The following ARHGAP15 variants were observed in gnomAD, a reference collection of about 807,000 sequenced individuals.
ARHGAP15 encodes rho GTPase-activating protein 15.
Under a neutral mutation model 63.7 loss-of-function variants are expected in ARHGAP15, and 51 were observed. The observed-to-expected ratio is 0.80, with a 90% CI of 0.64 to 1.01. The LOEUF is 1.01. Ranked by LOEUF, ARHGAP15 falls within the 50% of genes least tolerant of loss-of-function variation. The probability of loss-of-function intolerance (pLI) is 0.00; values close to 1 mark genes in which losing one functional copy is unlikely to be tolerated. For missense variants in ARHGAP15, 560 were observed against 564.6 expected, an observed-to-expected ratio of 0.99 and a Z score of 0.08; for synonymous variants, 191 against 193.8, an observed-to-expected ratio of 0.99 and a Z score of 0.12.
chr2:143,505,089 C>T (rs1041888823), intron 9 of ARHGAP15, among the ~76,000 whole-genome samples: 1 of 152,200 alleles, frequency 6.6e-6, no homozygotes, highest in Non-Finnish European at 1.5e-5. Flanking sequence ...TACACCTAGT[C>T]CCTGGGACTT....
At chr2:143,713,131 T>C (rs1386078621) in intron 13 of ARHGAP15, among the ~76,000 whole-genome samples, 1 of 152,174 alleles carries the variant, frequency 6.6e-6, no homozygotes, top group Non-Finnish European at 1.5e-5. Context: ...ATGCTTCTGA[T>C]AAAGACATAC....
chr2:143,477,322 G>A (rs963060083), intron 8 of ARHGAP15, among the ~76,000 whole-genome samples: 1 of 152,106 alleles, frequency 6.6e-6, no homozygotes, highest in African/African-American at 2.4e-5. Context: ...TGGAGGCTGA[G>A]AAGGGTCCTT....
intron 6 of ARHGAP15, among the ~76,000 whole-genome samples, chr2:143,403,712 A>G (rs747047043): frequency 6.6e-6 from 1 of 151,878 alleles, no homozygotes; most frequent in Non-Finnish European, 1.5e-5. Context: ...GGAAGAGTGC[A>G]TGTGTATACG....
intron 6 of ARHGAP15, among the ~76,000 whole-genome samples, chr2:143,287,489 C>T (rs1682163011): frequency 6.6e-6 from 1 of 151,902 alleles, no homozygotes; most frequent in African/African-American, 2.4e-5. Flanking sequence ...AATGGGCTCT[C>T]GGGGGCCTCT....
At chr2:143,454,369 C>T (rs922478109) in intron 8 of ARHGAP15, among the ~76,000 whole-genome samples, 6 of 152,034 alleles carry the variant, frequency 3.9e-5, no homozygotes, top group African/African-American at 1.2e-4. Context: ...AAAAGAGAAT[C>T]TGATATTTTA....
intron 13 of ARHGAP15, among the ~76,000 whole-genome samples, chr2:143,746,863 T>C (rs532946768): frequency 6.6e-6 from 1 of 152,182 alleles, no homozygotes; most frequent in African/African-American, 2.4e-5. Context: ...TTGAGTAGCA[T>C]GATTGGCATA....
At position 143,330,127 on chromosome 2, in the gene ARHGAP15, AAAAACCAAAAAC is replaced by A. The variant is rs1558898006; in HGVS notation, c.474+79532_474+79543del. Among the ~76,000 whole-genome samples, 26 of 81,302 alleles carry A rather than the reference AAAAACCAAAAAC, an allele frequency of 3.2e-4. 2 individuals carry two copies. Among genetic ancestry groups the A allele is most frequent in the African/African-American group, 1.0e-3 (20 of 19,780 alleles). The allele number at this position is 81,302 out of a possible 152,430, so 53.3% of individuals were successfully genotyped here. The stretch of plus-strand genomic sequence containing the variant: ...AAAAAAAAAAAAAAAAAAAAAAAAA[AAAAACCAAAAAC>A]AAAAAACTAAACTAATGATTAATAA... On this transcript the variant is annotated intron_variant, in intron 6 of 13. Coordinates refer to ENST00000295095, the MANE Select transcript of ARHGAP15 (RefSeq NM_018460.4).
At chr2:143,507,821 CATCAGTAG>C (rs573114402) in intron 9 of ARHGAP15, among the ~76,000 whole-genome samples, 36 of 152,290 alleles carry the variant, frequency 2.4e-4, no homozygotes, top group African/African-American at 7.2e-4. Flanking sequence ...TCTCTTCCTT[CATCAGTAG>C]ATCCCACCTT....
At chr2:143,449,312 C>G (rs1690288312) in intron 8 of ARHGAP15, among the ~76,000 whole-genome samples, 1 of 152,064 alleles carries the variant, frequency 6.6e-6, no homozygotes, top group South Asian at 2.1e-4. Context: ...CCATTAATTC[C>G]CTGGATAGCT....
intron 13 of ARHGAP15, among the ~76,000 whole-genome samples, chr2:143,746,969 C>T (rs1686189386): frequency 6.6e-6 from 1 of 152,082 alleles, no homozygotes; most frequent in Admixed American, 6.6e-5. Context: ...CCTCTAAGCC[C>T]TGAATGGATG....
intron 13 of ARHGAP15, among the ~76,000 whole-genome samples, chr2:143,746,408 T>C (rs1043808438): frequency 6.6e-6 from 1 of 151,994 alleles, no homozygotes; most frequent in Non-Finnish European, 1.5e-5. Flanking sequence ...AGGAAGAACA[T>C]AGGGAGAAAT....
chr2:143,283,924 T>C lies in ARHGAP15; in HGVS notation c.474+33324T>C, dbSNP rs185405215. ...GGCTTCAGCTATGCCTTTACTTGAA[T>C]GATTTCCAAAATTCTATCGCCAATC... On this transcript the variant is annotated intron_variant, in intron 6 of 13. Coordinates refer to ENST00000295095, the MANE Select transcript of ARHGAP15 (RefSeq NM_018460.4). Among the ~76,000 whole-genome samples, 3 of 152,282 alleles carry C rather than the reference T, an allele frequency of 2.0e-5. No individual in the cohort carries two copies. The East Asian group carries it at 5.8e-4, about 29-fold the overall frequency.
At chr2:143,313,864 C>CT (rs1683563798) in intron 6 of ARHGAP15, among the ~76,000 whole-genome samples, 1 of 151,988 alleles carries the variant, frequency 6.6e-6, no homozygotes, top group Non-Finnish European at 1.5e-5. Context: ...AACATTCATG[C>CT]TGTTGTACTT....
chr2:143,529,213 C>T (rs1392742459), intron 10 of ARHGAP15, among the ~76,000 whole-genome samples: 2 of 152,062 alleles, frequency 1.3e-5, no homozygotes, highest in African/African-American at 4.8e-5. Context: ...TCTATATTCC[C>T]CATTGCCCTA....
intron 6 of ARHGAP15, among the ~76,000 whole-genome samples, chr2:143,390,159 T>C: frequency 6.6e-6 from 1 of 152,114 alleles, no homozygotes; most frequent in Non-Finnish European, 1.5e-5. Flanking sequence ...AGGCATATTA[T>C]ATTAAAATTT....
intron 11 of ARHGAP15, among the ~76,000 whole-genome samples, chr2:143,622,968 G>A (rs534492415): frequency 6.6e-6 from 1 of 152,212 alleles, no homozygotes; most frequent in East Asian, 1.9e-4. Flanking sequence ...AGGGACATGT[G>A]AATGCGAGCC....
At chr2:143,666,062 A>AC (rs1254806220) in intron 12 of ARHGAP15, among the ~76,000 whole-genome samples, 1 of 151,644 alleles carries the variant, frequency 6.6e-6, no homozygotes, top group Non-Finnish European at 1.5e-5. Context: ...GAATTGGAAA[A>AC]AACTACTTTA....
chr2:143,418,122 G>T (rs1688765379), intron 6 of ARHGAP15, among the ~76,000 whole-genome samples: 1 of 152,224 alleles, frequency 6.6e-6, no homozygotes, highest in South Asian at 2.1e-4. Context: ...TTAGCTTAGA[G>T]TCAATTGCAG....
intron 8 of ARHGAP15, among the ~76,000 whole-genome samples, chr2:143,461,604 G>T (rs966445140): frequency 5.9e-5 from 9 of 152,120 alleles, no homozygotes; most frequent in African/African-American, 2.2e-4. Flanking sequence ...TAAAGGAATC[G>T]ATCTATAAGT....
Sources: gnomAD v4.1 joint callset for allele counts (sites outside exome capture counted in the v4.1 genomes callset) on GRCh38, gnomAD v4.1.1 for gene constraint, MANE v1.5 for transcripts, NCBI Gene and HGNC (gene_info 2026-07-23, HGNC 2026-07-21) for gene names.